PPP3CA: variants seen among roughly 807,000 people sequenced by gnomAD.
PPP3CA encodes the protein protein phosphatase 3 catalytic subunit alpha, also known as CAM-PRP catalytic subunit.
PPP3CA carries 14 observed loss-of-function variants against 66.5 expected under a neutral mutation model. The ratio of observed to expected loss-of-function variants is 0.21; its 90% confidence interval spans 0.14 to 0.33. The LOEUF is 0.33. Among genes scored for constraint, PPP3CA ranks in the 10% least tolerant of loss-of-function variants. The probability of loss-of-function intolerance (pLI) is 1.00; values close to 1 mark genes in which losing one functional copy is unlikely to be tolerated. For missense variants in PPP3CA, 317 were observed against 639.5 expected (o/e 0.50, Z 5.44); for synonymous variants, 232 against 226.2 (o/e 1.03, Z -0.23).
intron 1 of PPP3CA, among the ~76,000 whole-genome samples, chr4:101,207,811 C>A (rs934940363): frequency 6.7e-6 from 1 of 149,564 alleles, no homozygotes; most frequent in African/African-American, 2.5e-5. Flanking sequence ...GGTGACAGAG[C>A]GAGACTCCGT....
chr4:101,045,522 A>G (rs1441461304), intron 10 of PPP3CA, among the ~76,000 whole-genome samples: 1 of 152,220 alleles, frequency 6.6e-6, no homozygotes, highest in Non-Finnish European at 1.5e-5. Context: ...ATCTTGAAGG[A>G]TAAATAAACG....
At chr4:101,298,791 G>A (rs894977680) in intron 1 of PPP3CA, among the ~76,000 whole-genome samples, 10 of 151,284 alleles carry the variant, frequency 6.6e-5, no homozygotes, top group East Asian at 1.9e-4. Context: ...ATGAATTTTC[G>A]ACTACATGAG....
At chr4:101,163,219 A>G (rs925238168) in intron 2 of PPP3CA, among the ~76,000 whole-genome samples, 1 of 152,316 alleles carries the variant, frequency 6.6e-6, no homozygotes, top group Non-Finnish European at 1.5e-5. Context: ...CACAGTTTGC[A>G]GTAGAGGGAA....
intron 1 of PPP3CA, among the ~76,000 whole-genome samples, chr4:101,293,933 T>C (rs562732700): frequency 2.6e-5 from 4 of 152,304 alleles, no homozygotes; most frequent in African/African-American, 9.6e-5. Flanking sequence ...GGAACGGGCC[T>C]GGCAGAAGAC....
chr4:101,199,243 A>G lies in PPP3CA; in HGVS notation c.59-3127T>C, dbSNP rs560784132. The stretch of plus-strand genomic sequence containing the variant: ...GAGCAAAAACTATTTAGACCAAAGA[A>G]TCCAATCAGCTTGGAAAACATTTAT... On this transcript the variant is annotated intron_variant, in intron 1 of 13. Coordinates refer to ENST00000394854, the MANE Select transcript of PPP3CA (RefSeq NM_000944.5). 5.3e-5 allele frequency among the ~76,000 whole-genome samples: 8 copies of G among 152,356 alleles called. No homozygotes were observed. In the South Asian group the frequency reaches 1.7e-3, roughly 32 times the overall value.
chr4:101,035,261 C>G (rs2850606), intron 11 of PPP3CA, among the ~76,000 whole-genome samples: 1 of 151,606 alleles, frequency 6.6e-6, no homozygotes, highest in South Asian at 2.1e-4. Flanking sequence ...AGAGCGAGAC[C>G]GTCTTAAAAC....
intron 1 of PPP3CA, among the ~76,000 whole-genome samples, chr4:101,285,620 T>TGC (rs1482019237): frequency 6.8e-6 from 1 of 147,060 alleles, no homozygotes; most frequent in Non-Finnish European, 1.5e-5. Flanking sequence ...TGTGTGTGTG[T>TGC]GTGTGTGTGT....
At chr4:101,037,059 C>T (rs901996299) in intron 11 of PPP3CA, among the ~76,000 whole-genome samples, 4 of 152,094 alleles carry the variant, frequency 2.6e-5, no homozygotes, top group Non-Finnish European at 4.4e-5. Context: ...AACTGGGCTT[C>T]GATGCTCTGT....
intron 1 of PPP3CA, among the ~76,000 whole-genome samples, chr4:101,275,883 G>GT (rs1193339793): frequency 6.9e-6 from 1 of 145,436 alleles, no homozygotes; most frequent in African/African-American, 2.6e-5. Context: ...TTTTTTGTTT[G>GT]TTTGTTTGTT....
intron 1 of PPP3CA, among the ~76,000 whole-genome samples, chr4:101,228,723 G>A (rs1297639006): frequency 6.6e-6 from 1 of 151,630 alleles, no homozygotes; most frequent in Non-Finnish European, 1.5e-5. Context: ...GAATGGGGTA[G>A]GGACAGGGAA....
intron 1 of PPP3CA, among the ~76,000 whole-genome samples, chr4:101,314,950 A>G (rs1728839809): frequency 6.6e-6 from 1 of 152,196 alleles, no homozygotes; most frequent in Non-Finnish European, 1.5e-5. Flanking sequence ...TCAAAACAAC[A>G]GCTCTTGGTT....
chr4:101,135,039 G>C (rs1722571459), intron 2 of PPP3CA, among the ~76,000 whole-genome samples: 1 of 152,030 alleles, frequency 6.6e-6, no homozygotes, highest in Non-Finnish European at 1.5e-5. Context: ...TGGGCACAAG[G>C]AGGGGAACAT....
intron 2 of PPP3CA, among the ~76,000 whole-genome samples, chr4:101,168,748 A>G (rs1428998270): frequency 6.6e-6 from 1 of 152,156 alleles, no homozygotes; most frequent in Non-Finnish European, 1.5e-5. Flanking sequence ...ACTGAATAAT[A>G]TCTATTAAGA....
intron 10 of PPP3CA, among the ~76,000 whole-genome samples, chr4:101,046,985 T>A (rs543204830): frequency 1.3e-5 from 2 of 152,336 alleles, no homozygotes; most frequent in South Asian, 4.1e-4. Context: ...TATAGCTTTT[T>A]ACAGATGACG....
At chr4:101,143,461 C>A (rs1389140353) in intron 2 of PPP3CA, among the ~76,000 whole-genome samples, 2 of 152,134 alleles carry the variant, frequency 1.3e-5, no homozygotes, top group African/African-American at 2.4e-5. Context: ...GACTAGTCCA[C>A]CCTGAGTATC....
intron 10 of PPP3CA, among the ~76,000 whole-genome samples, chr4:101,059,077 C>T (rs1243861198): frequency 6.6e-6 from 1 of 152,014 alleles, no homozygotes; most frequent in African/African-American, 2.4e-5. Flanking sequence ...AAGGTACATA[C>T]TGAAAAACGT....
chr4:101,295,054 C>T (rs893204709), intron 1 of PPP3CA, among the ~76,000 whole-genome samples: 2 of 151,988 alleles, frequency 1.3e-5, no homozygotes, highest in Non-Finnish European at 1.5e-5. Context: ...GTAATCCCAG[C>T]ACTTTGGGAG....
chr4:101,342,514 G>A (rs1729849353), intron 1 of PPP3CA, among the ~76,000 whole-genome samples: 1 of 152,108 alleles, frequency 6.6e-6, no homozygotes, highest in Non-Finnish European at 1.5e-5. Flanking sequence ...AAAAGAATTT[G>A]TTCTCTTGGT....
At position 101,093,883 on chromosome 4, in the gene PPP3CA, T is replaced by G; in HGVS notation, c.675A>C (p.Gly225=). ...LDRFKEPPAY[G]PMCDILWSDP... ...CTGACCACAGGATATCACACATAGG[T>G]CCATATGCAGGTGGTTCTTTGAATC... Residue 225 remains glycine (G), a synonymous_variant, in exon 6 of 14, where the codon GGA becomes GGC. Transcript: ENST00000394854. 1 of 1,611,692 alleles carries G rather than the reference T, an allele frequency of 6.2e-7. No individual in the cohort carries two copies. Among genetic ancestry groups the G allele is most frequent in the Non-Finnish European group, 8.5e-7 (1 of 1,178,914 alleles).
Sources: gnomAD v4.1 joint callset for allele counts (sites outside exome capture counted in the v4.1 genomes callset) on GRCh38, gnomAD v4.1.1 for gene constraint, MANE v1.5 for transcripts, NCBI Gene and HGNC (gene_info 2026-07-23, HGNC 2026-07-21) for gene names.